BMP1: variants seen among roughly 807,000 people sequenced by gnomAD.
BMP1 encodes the protein mammalian tolloid protein.
In BMP1, 63 loss-of-function variants were observed where a neutral mutation model predicts 116.8. The ratio of observed to expected loss-of-function variants is 0.54; its 90% confidence interval spans 0.44 to 0.67. BMP1 has a LOEUF of 0.67. Among genes scored for constraint, BMP1 ranks in the 30% least tolerant of loss-of-function variants. BMP1 has a pLI of 0.00. For missense variants in BMP1, 1,183 were observed against 1,358.9 expected (o/e 0.87, Z 2.04); for synonymous variants, 536 against 533.4 (o/e 1.00, Z -0.07).
intron 8 of BMP1, among the ~76,000 whole-genome samples, chr8:22,181,573 G>A (rs1456648808): frequency 6.8e-6 from 1 of 146,824 alleles, no homozygotes; most frequent in African/African-American, 2.5e-5. Context: ...TTTTTCTTGA[G>A]ACAGAATCTC....
chr8:22,176,802 G>A (rs111908600), intron 4 of BMP1, 152 bp downstream of exon 4: 9 of 1,001,010 alleles, frequency 9.0e-6, no homozygotes, highest in African/African-American at 6.4e-5. Context: ...CCCCCTGTGC[G>A]GCTGTGACCT....
intron 8 of BMP1, among the ~76,000 whole-genome samples, chr8:22,183,782 G>C (rs1478179203): frequency 6.6e-6 from 1 of 152,034 alleles, no homozygotes; most frequent in African/African-American, 2.4e-5. Flanking sequence ...CTCCATGTTG[G>C]TCAGGCTGGT....
intron 16 of BMP1, among the ~76,000 whole-genome samples, chr8:22,206,033 G>C (rs1829347086): frequency 6.6e-6 from 1 of 152,206 alleles, no homozygotes; most frequent in Admixed American, 6.5e-5. Flanking sequence ...CCCTGTGACT[G>C]TCCAGGCTGC....
intron 15 of BMP1, chr8:22,199,312 C>A: frequency 7.4e-7 from 1 of 1,360,230 alleles, no homozygotes. Context: ...AGACCCTAAG[C>A]CAAGAAGGAG....
chr8:22,204,849 G>T (rs62494056), intron 16 of BMP1, among the ~76,000 whole-genome samples: 9,256 of 152,022 alleles, frequency 0.061, 294 homozygotes, highest in African/African-American at 0.081. Context: ...GAGTGTTCTC[G>T]AAGGCTAGCT....
intron 8 of BMP1, among the ~76,000 whole-genome samples, chr8:22,191,685 G>A (rs573885046): frequency 5.3e-5 from 8 of 152,262 alleles, no homozygotes; most frequent in Admixed American, 2.6e-4. Context: ...ACCCTTCGTC[G>A]CTACTTCAGA....
At chr8:22,208,214 T>C (rs1829400992) in intron 18 of BMP1, among the ~76,000 whole-genome samples, 1 of 152,168 alleles carries the variant, frequency 6.6e-6, no homozygotes, top group Admixed American at 6.5e-5. Context: ...ACATGTAACA[T>C]GGATGAGGCG....
intron 8 of BMP1, among the ~76,000 whole-genome samples, chr8:22,189,433 T>TACACACACAC (rs10672713): frequency 0.017 from 2,436 of 141,348 alleles, 68 homozygotes; most frequent in African/African-American, 0.058. Flanking sequence ...TTGATGGAGA[T>TACACACACAC]ACACACACAC....
intron 12 of BMP1, among the ~76,000 whole-genome samples, chr8:22,195,232 G>A (rs759251671): frequency 4.6e-5 from 7 of 152,248 alleles, no homozygotes; most frequent in East Asian, 1.9e-4. Flanking sequence ...CAGTCCCTCC[G>A]CCACAGGCTT....
chr8:22,191,962 A>G (rs993982739), intron 8 of BMP1, 87 bp from the exon 9 acceptor site: 9 of 1,249,556 alleles, frequency 7.2e-6, no homozygotes, highest in Admixed American at 5.4e-5. Flanking sequence ...TGCCTCGCGT[A>G]AGGCGGGCGG....
intron 12 of BMP1, 86 bp downstream of exon 12, chr8:22,195,005 A>G: frequency 7.1e-7 from 1 of 1,405,190 alleles, no homozygotes; most frequent in Non-Finnish European, 9.7e-7. Flanking sequence ...CGGAGACTCC[A>G]GGAGGCATAT....
intron 15 of BMP1, chr8:22,198,514 G>A (rs1057320485): frequency 1.3e-5 from 2 of 153,124 alleles, no homozygotes; most frequent in Non-Finnish European, 2.9e-5. Flanking sequence ...CCAGGCCCAT[G>A]CAGTGAAGGG....
In BMP1 at chr8:22,183,731, C is replaced by T. The variant is rs1159858501; in HGVS notation, c.1077+3248C>T. Among the ~76,000 whole-genome samples, 3 of 152,128 alleles carry T rather than the reference C, an allele frequency of 2.0e-5. 1 individual carries two copies. Among genetic ancestry groups the T allele is most frequent in the Admixed American group, 2.0e-4 (3 of 15,274 alleles). Reference sequence around the variant, plus strand: ...TAGCTGGGATTACAGGCATGTGCCACCACACCCGGCTAATTTTGTATTTTT... The same window carrying T: ...TAGCTGGGATTACAGGCATGTGCCATCACACCCGGCTAATTTTGTATTTTT... On this transcript the variant is annotated intron_variant, in intron 8 of 19. Coordinates refer to ENST00000306385, the MANE Select transcript of BMP1 (RefSeq NM_006129.5).
Position 22,197,383 on chromosome 8 carries a change from C to A in BMP1, c.2070C>A (p.Thr690=), listed in dbSNP as rs372546210. ...GCGTGGAGTTCAAGTCCGACAACAC[C>A]GTGTCCAAAAAGGGCTTCAAGGCCC... ...NMRVEFKSDN[T]VSKKGFKAHF... The change falls in exon 15 of 20, where the codon ACC becomes ACA. Residue 690 remains threonine, a synonymous_variant. Transcript: ENST00000306385. 1.2e-6 allele frequency: 2 copies of A among 1,612,402 alleles called. No homozygotes were observed. The highest frequency in any genetic ancestry group is 1.7e-6 in the Non-Finnish European group (2 of 1,178,732).
At chr8:22,190,584 G>C (rs1012569188) in intron 8 of BMP1, among the ~76,000 whole-genome samples, 2 of 152,232 alleles carry the variant, frequency 1.3e-5, no homozygotes, top group Non-Finnish European at 2.9e-5. Context: ...AAGGTATAGA[G>C]AGGTGGAGAG....
In BMP1 at chr8:22,211,782, C is replaced by G; in HGVS notation, c.*54C>G. 1 of 1,612,842 alleles carries G rather than the reference C, an allele frequency of 6.2e-7. No individual in the cohort carries two copies. ...AGCCTGCTGCCCTTGGTCGCCTAGA[C>G]TGGATAGTGGGGGTGGGCGGAAGGC... On this transcript the variant is annotated 3_prime_UTR_variant, in exon 20 of 20. Transcript: ENST00000306385.
intron 13 of BMP1, 158 bp from the exon 14 acceptor site, chr8:22,196,522 C>G (rs1829096063): frequency 1.1e-5 from 12 of 1,104,440 alleles, no homozygotes; most frequent in Non-Finnish European, 1.4e-5. Flanking sequence ...GCCACCCTGC[C>G]TCCTCCCGTC....
At position 22,194,180 on chromosome 8, in the gene BMP1, GA is replaced by G; in HGVS notation, c.1297+7del. 2 of 1,613,156 alleles carry G rather than the reference GA, an allele frequency of 1.2e-6. No homozygotes were observed. The highest frequency in any genetic ancestry group is 1.7e-6 in the Non-Finnish European group (2 of 1,179,064). ...CTTCTTTGCAGTCTACGAAGGTACT[GA>G]GGAAGGCGGCGGGCGGGAGGAGTCA... On this transcript the variant is annotated splice_region_variant and intron_variant, in intron 10 of 19. Transcript: ENST00000306385. This position sits in a 1 kb window ranked among gnomAD's most constrained non-coding sequence, Gnocchi z 4.5.
At chr8:22,190,030 C>T (rs903143463) in intron 8 of BMP1, among the ~76,000 whole-genome samples, 8 of 152,136 alleles carry the variant, frequency 5.3e-5, no homozygotes, top group Admixed American at 2.0e-4. Flanking sequence ...AAGCGATTCT[C>T]CTGCCTCAGC....
Sources: gnomAD v4.1 joint callset for allele counts (sites outside exome capture counted in the v4.1 genomes callset) on GRCh38, gnomAD v4.1.1 for gene constraint, Gnocchi (gnomAD v3.1) non-coding constraint, MANE v1.5 for transcripts, NCBI Gene and HGNC (gene_info 2026-07-23, HGNC 2026-07-21) for gene names.